The following NPW variants were observed in gnomAD, a reference collection of about 807,000 sequenced individuals.
NPW encodes the protein neuropeptide W.
In NPW, 8 loss-of-function variants were observed where a neutral mutation model predicts 9.9. The observed-to-expected ratio is 0.81, with a 90% CI of 0.47 to 1.46. NPW has a LOEUF of 1.46. NPW is among the 40% of genes most tolerant of loss of function. The pLI, the probability that NPW is intolerant of heterozygous loss-of-function variation, is 0.00. For synonymous variants in NPW, 134 were observed against 119.9 expected (o/e 1.12, Z -0.77); for missense variants, 287 against 240.3 (o/e 1.19, Z -1.28).
intron 1 of NPW, 97 bp downstream of exon 1, chr16:2,020,409 G>C: frequency 7.8e-7 from 1 of 1,287,662 alleles, no homozygotes. Flanking sequence ...GGCACCCTCG[G>C]GCCCTTCCAT....
Position 2,020,711 on chromosome 16 carries a change from G to C in NPW, c.*92G>C. The C allele has an allele frequency of 5.6e-6, 4 of 718,404 alleles. No individual in the cohort carries two copies. The highest frequency in any genetic ancestry group is 5.3e-5 in the South Asian group (3 of 56,210). 44.5% of individuals were successfully genotyped at this position (718,404 alleles called of 1,614,324 possible). A position where few individuals can be genotyped will look rare whatever the true frequency, so the allele number is the denominator to read the frequency against. On this transcript the variant is annotated 3_prime_UTR_variant, in exon 2 of 2. Coordinates refer to ENST00000566435, the MANE Select transcript of NPW (RefSeq NM_001099456.3). ...GAGCCGCTCATAGACCCCGCCTGCC[G>C]TCCGGTCAATAAAATCCGCCTGACT...
chr16:2,020,482 T>G (rs1187416403), intron 1 of NPW, 51 bp from the exon 2 acceptor site: 1 of 1,418,336 alleles, frequency 7.1e-7, no homozygotes. Flanking sequence ...CCGGGGGCGG[T>G]GGTTGGAGGG....
chr16:2,019,794 C>G lies in NPW; in HGVS notation c.-108C>G, dbSNP rs1215012650. The G allele has an allele frequency of 1.7e-6, 2 of 1,191,858 alleles. No homozygotes were observed. Among genetic ancestry groups the G allele is most frequent in the East Asian group, 3.6e-5 (1 of 27,454 alleles). 73.8% of individuals were successfully genotyped at this position (1,191,858 alleles called of 1,614,324 possible). On this transcript the variant is annotated 5_prime_UTR_variant, in exon 1 of 2. Transcript: ENST00000566435. Reference sequence around the variant, plus strand: ...CCTGCAGGGGACCCACGGCTCGCCTCCAGCCTCCTGCGCTCCGGTACCTGG... The same window carrying G: ...CCTGCAGGGGACCCACGGCTCGCCTGCAGCCTCCTGCGCTCCGGTACCTGG...
At position 2,020,593 on chromosome 16, in the gene NPW, C is replaced by A. The variant is rs2083833175; in HGVS notation, c.472C>A (p.Pro158Thr). The change falls in exon 2 of 2, where the codon CCC becomes ACC. Residue 158 changes from proline (P) to threonine (T), a missense_variant. Physicochemically the swap from Pro to Thr is conservative, Grantham distance 38. Coordinates refer to ENST00000566435, the MANE Select transcript of NPW (RefSeq NM_001099456.3). Reference sequence around the variant, plus strand: ...CCCCGCAGCAAACCGCCTTGGCCTGCCCTGCCTGGCCCCCGGACCGTTCTG... The same window carrying A: ...CCCCGCAGCAAACCGCCTTGGCCTGACCTGCCTGGCCCCCGGACCGTTCTG... The A allele has an allele frequency of 1.9e-6, 3 of 1,604,820 alleles. No homozygotes were observed. Among genetic ancestry groups the A allele is most frequent in the Non-Finnish European group, 2.6e-6 (3 of 1,174,396 alleles).
In NPW at chr16:2,020,527, C is replaced by G. The variant is rs754265298; in HGVS notation, c.412-6C>G. Reference sequence around the variant, plus strand: ...CCTCCCCACGGCCTTGCTGTGTTCTCGTTAGAGACTTCGGAGAGACGTCTC... The same window carrying G: ...CCTCCCCACGGCCTTGCTGTGTTCTGGTTAGAGACTTCGGAGAGACGTCTC... On this transcript the variant is annotated splice_region_variant and splice_polypyrimidine_tract_variant and intron_variant, in intron 1 of 1. Coordinates refer to ENST00000566435, the MANE Select transcript of NPW (RefSeq NM_001099456.3). The G allele has an allele frequency of 1.2e-6, 2 of 1,601,100 alleles. No individual in the cohort carries two copies. The highest frequency in any genetic ancestry group is 1.7e-5 in the Admixed American group (1 of 59,868).
In NPW at chr16:2,019,812, G is replaced by A; in HGVS notation, c.-90G>A. 8.4e-7 allele frequency: 1 copy of A among 1,196,136 alleles called. No individual in the cohort carries two copies. The highest frequency in any genetic ancestry group is 3.6e-5 in the East Asian group (1 of 27,858). The allele number at this position is 1,196,136 out of a possible 1,614,324, so 74.1% of individuals were successfully genotyped here. A position where few individuals can be genotyped will look rare whatever the true frequency, so the allele number is the denominator to read the frequency against. ...CTCGCCTCCAGCCTCCTGCGCTCCG[G>A]TACCTGGGCGTCCCAACTCCACTGC... On this transcript the variant is annotated 5_prime_UTR_variant, in exon 1 of 2. Transcript: ENST00000566435.
At position 2,020,554 on chromosome 16, in the gene NPW, C is replaced by G. The variant is rs1465759386; in HGVS notation, c.433C>G (p.Arg145Gly). 4.0e-5 allele frequency: 64 copies of G among 1,609,442 alleles called. No individual in the cohort carries two copies. The highest frequency in any genetic ancestry group is 5.1e-5 in the Non-Finnish European group (60 of 1,177,508). ...TTAGAGACTTCGGAGAGACGTCTCC[C>G]GCCCAGCGGTGGACCCCGCAGCAAA... Residue 145 changes from arginine to glycine, a missense_variant, in exon 2 of 2, where the codon CGC becomes GGC. Arg to Gly is a moderately radical substitution (Grantham distance 125). Coordinates refer to ENST00000566435, the MANE Select transcript of NPW (RefSeq NM_001099456.3).
At position 2,019,817 on chromosome 16, in the gene NPW, T is replaced by C; in HGVS notation, c.-85T>C. ...CTCCAGCCTCCTGCGCTCCGGTACC[T>C]GGGCGTCCCAACTCCACTGCGCGCC... On this transcript the variant is annotated 5_prime_UTR_variant, in exon 1 of 2. Transcript: ENST00000566435. 2 of 1,196,746 alleles carry C rather than the reference T, an allele frequency of 1.7e-6. No individual in the cohort carries two copies. Among genetic ancestry groups the C allele is most frequent in the East Asian group, 3.6e-5 (1 of 27,940 alleles). The allele number at this position is 1,196,746 out of a possible 1,614,324, so 74.1% of individuals were successfully genotyped here. A position where few individuals can be genotyped will look rare whatever the true frequency, so the allele number is the denominator to read the frequency against.
At chr16:2,020,428 C>A in intron 1 of NPW, 105 bp from the exon 2 acceptor site, 2 of 1,302,542 alleles carry the variant, frequency 1.5e-6, no homozygotes, top group South Asian at 1.4e-5. Flanking sequence ...ATTCCCTGCT[C>A]CGCGCCCAGA....
In NPW at chr16:2,020,324, G is replaced by C; in HGVS notation, c.411+12G>C. On this transcript the variant is annotated intron_variant, in intron 1 of 1. Transcript: ENST00000566435. ...GCGGAGCTGGCCAGGTACGTGAGAG[G>C]GGAGAGGCCTGGACCGCCGCGGGCA... 2 of 1,465,892 alleles carry C rather than the reference G, an allele frequency of 1.4e-6. No homozygotes were observed. The highest frequency in any genetic ancestry group is 1.8e-6 in the Non-Finnish European group (2 of 1,106,368). The allele number at this position is 1,465,892 out of a possible 1,614,324, so 90.8% of individuals were successfully genotyped here. A position where few individuals can be genotyped will look rare whatever the true frequency, so the allele number is the denominator to read the frequency against.
chr16:2,020,067 C>T lies in NPW; in HGVS notation c.166C>T (p.Arg56Cys). The T allele has an allele frequency of 1.3e-6, 2 of 1,499,142 alleles. No homozygotes were observed. The highest frequency in any genetic ancestry group is 2.6e-5 in the East Asian group (1 of 38,640). 92.9% of individuals were successfully genotyped at this position (1,499,142 alleles called of 1,614,324 possible). A position where few individuals can be genotyped will look rare whatever the true frequency, so the allele number is the denominator to read the frequency against. The change falls in exon 1 of 2, where the codon CGT becomes TGT. Residue 56 changes from arginine to cysteine, a missense_variant. Coordinates refer to ENST00000566435, the MANE Select transcript of NPW (RefSeq NM_001099456.3). ...CGCCGCTGGCCTGCTCATGGGGCTG[C>T]GTCGCTCACCCTATCTGTGGCGCCG... is the stretch of plus-strand genomic sequence containing the variant.
rs1004859064 is a variant in NPW at position 2,020,625 on chromosome 16, TC to T, written c.*11del. ...TGGCCCCCGGACCGTTCTGACAGCG[TC>T]CCCCGCCCGCCCGTGGCGCCTCCGC... On this transcript the variant is annotated 3_prime_UTR_variant, in exon 2 of 2. Transcript: ENST00000566435. The T allele has an allele frequency of 3.6e-5, 57 of 1,564,068 alleles. No homozygotes were observed. The highest frequency in any genetic ancestry group is 4.5e-5 in the Non-Finnish European group (52 of 1,145,438).
intron 1 of NPW, 102 bp from the exon 2 acceptor site, chr16:2,020,431 C>A: frequency 7.7e-7 from 1 of 1,294,656 alleles, no homozygotes; most frequent in Non-Finnish European, 1.1e-6. Flanking sequence ...CCCTGCTCCG[C>A]GCCCAGAAGA....
chr16:2,019,959 C>T lies in NPW; in HGVS notation c.58C>T (p.Leu20=), dbSNP rs1361160255. The T allele has an allele frequency of 7.1e-7, 1 of 1,410,868 alleles. No individual in the cohort carries two copies. Among genetic ancestry groups the T allele is most frequent in the Non-Finnish European group, 9.3e-7 (1 of 1,080,496 alleles). 87.4% of individuals were successfully genotyped at this position (1,410,868 alleles called of 1,614,324 possible). ...CGCGAGCCGGCCGCGGCTGGCACTG[C>T]TGCTGCTTCTGCTCCTGCTGCCGCT... Residue 20 remains leucine, a synonymous_variant, in exon 1 of 2, where the codon CTG becomes TTG. Transcript: ENST00000566435.
In NPW at chr16:2,020,148, G is replaced by A. The variant is rs543718628; in HGVS notation, c.247G>A (p.Ala83Thr). 350 of 1,574,692 alleles carry A rather than the reference G, an allele frequency of 2.2e-4. 3 individuals are homozygous for A. The South Asian group carries it at 3.6e-3, about 16-fold the overall frequency. ...CAGGGACACCCTCTCCCCCGAACCC[G>A]CAGCCCGCGAGGCTCCTCTCCTGCT... Residue 83 changes from alanine to threonine, a missense_variant, in exon 1 of 2, where the codon GCA (alanine) becomes ACA (threonine). Physicochemically the swap from Ala to Thr is moderately conservative, Grantham distance 58. Transcript: ENST00000566435.
rs937139235 is a variant in NPW at position 2,020,423 on chromosome 16, C to T, written c.412-110C>T. 7.7e-6 allele frequency: 10 copies of T among 1,294,120 alleles called. No individual in the cohort carries two copies. The African/African-American group carries it at 1.4e-4, about 18-fold the overall frequency. The allele number at this position is 1,294,120 out of a possible 1,614,324, so 80.2% of individuals were successfully genotyped here. On this transcript the variant is annotated intron_variant, in intron 1 of 1. Transcript: ENST00000566435. The stretch of plus-strand genomic sequence containing the variant: ...GGGCACCCTCGGGCCCTTCCATTCC[C>T]TGCTCCGCGCCCAGAAGAGCTTTCC...
At position 2,019,923 on chromosome 16, in the gene NPW, C is replaced by CG. The variant is rs1250253764; in HGVS notation, c.28dup (p.Ala10GlyfsTer170). The CG allele has an allele frequency of 6.9e-6, 9 of 1,311,984 alleles. No homozygotes were observed. The highest frequency in any genetic ancestry group is 6.5e-5 in the South Asian group (3 of 46,502). 81.3% of individuals were successfully genotyped at this position (1,311,984 alleles called of 1,614,324 possible). A position where few individuals can be genotyped will look rare whatever the true frequency, so the allele number is the denominator to read the frequency against. ...CGCCCTGGCGTGGCGCCCAGGGGAGCGGGGGGCTCCCGCGAGCCGGCCGCG... is the reference window on the plus strand; with the variant it reads ...CGCCCTGGCGTGGCGCCCAGGGGAGCGGGGGGGCTCCCGCGAGCCGGCCGCG... On this transcript the variant is annotated frameshift_variant, in exon 1 of 2. Coordinates refer to ENST00000566435, the MANE Select transcript of NPW (RefSeq NM_001099456.3). LOFTEE classifies it high-confidence loss of function.
Position 2,020,570 on chromosome 16 carries a change from C to G in NPW, c.449C>G (p.Pro150Arg). Residue 150 changes from proline to arginine, a missense_variant, in exon 2 of 2, where the codon CCC becomes CGC. By Grantham distance (103) the Pro-to-Arg change is moderately radical (BLOSUM62 -2). Coordinates refer to ENST00000566435, the MANE Select transcript of NPW (RefSeq NM_001099456.3). Reference sequence around the variant, plus strand: ...GACGTCTCCCGCCCAGCGGTGGACCCCGCAGCAAACCGCCTTGGCCTGCCC... The same window carrying G: ...GACGTCTCCCGCCCAGCGGTGGACCGCGCAGCAAACCGCCTTGGCCTGCCC... 6.2e-7 allele frequency: 1 copy of G among 1,609,898 alleles called. No homozygotes were observed. Among genetic ancestry groups the G allele is most frequent in the Non-Finnish European group, 8.5e-7 (1 of 1,178,098 alleles).
Position 2,020,058 on chromosome 16 carries a change from A to G in NPW, c.157A>G (p.Met53Val). The G allele has an allele frequency of 6.6e-7, 1 of 1,504,982 alleles. No homozygotes were observed. The highest frequency in any genetic ancestry group is 8.8e-7 in the Non-Finnish European group (1 of 1,133,476). The allele number at this position is 1,504,982 out of a possible 1,614,324, so 93.2% of individuals were successfully genotyped here. A position where few individuals can be genotyped will look rare whatever the true frequency, so the allele number is the denominator to read the frequency against. ...GGTGGGCCGCGCCGCTGGCCTGCTC[A>G]TGGGGCTGCGTCGCTCACCCTATCT... Residue 53 changes from methionine (M) to valine (V), a missense_variant, in exon 1 of 2, where the codon ATG becomes GTG. Coordinates refer to ENST00000566435, the MANE Select transcript of NPW (RefSeq NM_001099456.3).
Sources: allele counts gnomAD v4.1 joint callset, GRCh38; gene constraint gnomAD v4.1.1; transcripts MANE v1.5; gene names NCBI Gene and HGNC (gene_info 2026-07-23, HGNC 2026-07-21).